RANBP2: variants seen among roughly 807,000 people sequenced by gnomAD.
RANBP2 encodes RAN binding protein 2, also known as E3 SUMO-protein ligase RanBP2.
In RANBP2, 57 loss-of-function variants were observed where a neutral mutation model predicts 303.6. The ratio of observed to expected loss-of-function variants is 0.19; its 90% CI spans 0.15 to 0.23. The LOEUF (loss-of-function observed/expected upper bound fraction) is 0.23. Ranked by LOEUF, RANBP2 falls within the 10% of genes least tolerant of loss-of-function variation. RANBP2 has a pLI of 1.00. For synonymous variants in RANBP2, 1,167 were observed against 1,301.5 expected (o/e 0.90, Z 2.23); for missense variants, 3,138 against 3,780.8 (o/e 0.83, Z 4.46).
At chr2:109,496,346 A>G in the RANBP2 span, among the ~76,000 whole-genome samples, 1 of 152,194 alleles carries the variant, frequency 6.6e-6, no homozygotes, top group Non-Finnish European at 1.5e-5. Flanking sequence ...CTTGCTAGCT[A>G]CAGAGTGCTG....
the RANBP2 span, among the ~76,000 whole-genome samples, chr2:109,436,425 C>T: frequency 6.6e-6 from 1 of 152,182 alleles, no homozygotes; most frequent in Non-Finnish European, 1.5e-5. Flanking sequence ...GGATGTCGTG[C>T]TGTGTGTGCC....
chr2:109,318,401 G>T, the RANBP2 span, among the ~76,000 whole-genome samples: 1 of 152,106 alleles, frequency 6.6e-6, no homozygotes, highest in Non-Finnish European at 1.5e-5. Context: ...AAATGCCGCC[G>T]AGCGCCAGAA....
the RANBP2 span, among the ~76,000 whole-genome samples, chr2:109,228,797 G>C: frequency 6.6e-6 from 1 of 152,120 alleles, no homozygotes; most frequent in Non-Finnish European, 1.5e-5. Context: ...TCTCCAGGTG[G>C]GTGGATGCAT....
At chr2:109,574,430 G>T in the RANBP2 span, 1 of 424,660 alleles carries the variant, frequency 2.4e-6, no homozygotes, top group Non-Finnish European at 3.5e-6. Context: ...GGGTGACAGA[G>T]TGACTTTATC....
At chr2:108,879,129 T>TTTTA in the RANBP2 span, among the ~76,000 whole-genome samples, 4 of 152,188 alleles carry the variant, frequency 2.6e-5, no homozygotes, top group Non-Finnish European at 5.9e-5. Context: ...CGTTGCAGTC[T>TTTTA]TTTATTTATT....
At chr2:109,375,089 A>G in the RANBP2 span, among the ~76,000 whole-genome samples, 3 of 152,126 alleles carry the variant, frequency 2.0e-5, no homozygotes, top group Admixed American at 1.3e-4. Flanking sequence ...CTGCTGTTCT[A>G]TAGAAATAAT....
At chr2:108,986,381 A>AG in the RANBP2 span, among the ~76,000 whole-genome samples, 1 of 152,090 alleles carries the variant, frequency 6.6e-6, no homozygotes, top group African/African-American at 2.4e-5. Context: ...AAGATACAGG[A>AG]GGGGGAGTGT....
the RANBP2 span, among the ~76,000 whole-genome samples, chr2:109,573,469 T>G: frequency 6.6e-6 from 1 of 152,208 alleles, no homozygotes; most frequent in Non-Finnish European, 1.5e-5. Flanking sequence ...TCACATGTGA[T>G]CAGGTGAACA....
chr2:109,015,118 C>CAAAAAAAAA, the RANBP2 span, among the ~76,000 whole-genome samples: 42 of 68,810 alleles, frequency 6.1e-4, 1 homozygote, highest in East Asian at 8.8e-4. Context: ...GACTCCATCT[C>CAAAAAAAAA]AAAAAAAAAA....
At chr2:108,866,744 G>A in the RANBP2 span, among the ~76,000 whole-genome samples, 5 of 152,116 alleles carry the variant, frequency 3.3e-5, no homozygotes, top group African/African-American at 1.2e-4. Context: ...TTAGCTGGAC[G>A]CGGTGACGGG....
the RANBP2 span, among the ~76,000 whole-genome samples, chr2:108,903,938 T>G: frequency 6.6e-5 from 10 of 152,058 alleles, 1 homozygote; most frequent in South Asian, 2.1e-3. Flanking sequence ...AAAAGAAAAC[T>G]TTATAATTAG....
At chr2:109,476,795 T>G in the RANBP2 span, among the ~76,000 whole-genome samples, 1 of 152,304 alleles carries the variant, frequency 6.6e-6, no homozygotes, top group South Asian at 2.1e-4. Flanking sequence ...TTTTTATGGT[T>G]GTTTCTTGAT....
At chr2:108,918,656 G>A in the RANBP2 span, among the ~76,000 whole-genome samples, 1 of 152,124 alleles carries the variant, frequency 6.6e-6, no homozygotes, top group African/African-American at 2.4e-5. Flanking sequence ...GGGTCCTGCC[G>A]GGCACTGTGT....
At chr2:109,383,127 G>T in the RANBP2 span, among the ~76,000 whole-genome samples, 1 of 152,240 alleles carries the variant, frequency 6.6e-6, no homozygotes, top group African/African-American at 2.4e-5. Context: ...GGCAGACCTT[G>T]TGAGTGCTTG....
At chr2:109,538,235 C>G in the RANBP2 span, among the ~76,000 whole-genome samples, 3 of 152,326 alleles carry the variant, frequency 2.0e-5, no homozygotes, top group African/African-American at 7.2e-5. Flanking sequence ...CATCTCCCTC[C>G]TGCTCACAAC....
In RANBP2 at chr2:108,763,259, G is replaced by T. The variant is rs1676865205; in HGVS notation, c.2720G>T (p.Arg907Met). The change falls in exon 20 of 29, where the codon AGG (arginine) becomes ATG (methionine). Residue 907 changes from arginine (R) to methionine (M), a missense_variant. By Grantham distance (91) the Arg-to-Met change is moderately conservative (BLOSUM62 -1). Coordinates refer to ENST00000283195, the MANE Select transcript of RANBP2 (RefSeq NM_006267.5). ...PTKGPVYGMN[R>M]LPPQQHIYAY... is the part of the protein sequence containing the mutation. ...TAGGGCCCAGTCTATGGCATGAATA[G>T]GCTTCCACCCCAACAGCATATTTAT... 6.2e-7 allele frequency: 1 copy of T among 1,613,510 alleles called. No homozygotes were observed. The highest frequency in any genetic ancestry group is 1.3e-5 in the African/African-American group (1 of 74,864).
the RANBP2 span, among the ~76,000 whole-genome samples, chr2:108,933,685 T>C: frequency 6.6e-6 from 1 of 152,124 alleles, no homozygotes. Context: ...GAGGCAAGAT[T>C]GAGGAGCCAG....
chr2:109,472,445 G>C, the RANBP2 span, among the ~76,000 whole-genome samples: 1 of 152,168 alleles, frequency 6.6e-6, no homozygotes, highest in Non-Finnish European at 1.5e-5. Context: ...GGGGCTTCCC[G>C]ACGGGGCTTC....
At chr2:109,158,033 A>T in the RANBP2 span, among the ~76,000 whole-genome samples, 1 of 152,140 alleles carries the variant, frequency 6.6e-6, no homozygotes, top group Non-Finnish European at 1.5e-5. Context: ...TGCGTGCTTC[A>T]ATTGCACTGT....
Sources: allele counts gnomAD v4.1 joint callset (sites outside exome capture counted in the v4.1 genomes callset), GRCh38; gene constraint gnomAD v4.1.1; transcripts MANE v1.5; gene names NCBI Gene and HGNC (gene_info 2026-07-23, HGNC 2026-07-21).